TSHZ2: variants seen among roughly 807,000 people sequenced by gnomAD.
TSHZ2 encodes teashirt homolog 2.
In TSHZ2, 21 loss-of-function variants were observed where a neutral mutation model predicts 74.4. The ratio of observed to expected loss-of-function variants is 0.28; its 90% CI spans 0.20 to 0.41. The LOEUF (loss-of-function observed/expected upper bound fraction) is 0.41, where lower values mean the gene tolerates loss of function less well. Ranked by LOEUF, TSHZ2 falls within the 10% of genes least tolerant of loss-of-function variation. The pLI, the probability that TSHZ2 is intolerant of heterozygous loss-of-function variation, is 1.00. For missense variants in TSHZ2, 1,244 were observed against 1,293.5 expected, an observed-to-expected ratio of 0.96 and a Z score of 0.59; for synonymous variants, 540 against 515.3, an observed-to-expected ratio of 1.05 and a Z score of -0.65.
intron 1 of TSHZ2, among the ~76,000 whole-genome samples, chr20:53,156,327 A>G (rs916305297): frequency 1.3e-5 from 2 of 152,142 alleles, no homozygotes; most frequent in African/African-American, 4.8e-5. Flanking sequence ...ACACAAAATG[A>G]TGGTGTCTGC....
At chr20:53,265,057 G>A (rs1034842864) in intron 2 of TSHZ2, among the ~76,000 whole-genome samples, 25 of 152,138 alleles carry the variant, frequency 1.6e-4, no homozygotes, top group Non-Finnish European at 2.6e-4. Flanking sequence ...GATGTATCAG[G>A]GGTCAGGGGA....
At chr20:53,392,861 G>A (rs961687298) in intron 2 of TSHZ2, among the ~76,000 whole-genome samples, 2 of 152,060 alleles carry the variant, frequency 1.3e-5, no homozygotes, top group African/African-American at 2.4e-5. Flanking sequence ...TTGAGACAGA[G>A]TTTTGCTCTG....
At chr20:53,125,722 T>G (rs1986930696) in intron 1 of TSHZ2, among the ~76,000 whole-genome samples, 1 of 152,100 alleles carries the variant, frequency 6.6e-6, no homozygotes, top group South Asian at 2.1e-4. Context: ...TATACAGGAA[T>G]GCAGTTACCA....
At chr20:53,415,680 T>C (rs1461763125) in intron 2 of TSHZ2, among the ~76,000 whole-genome samples, 1 of 144,976 alleles carries the variant, frequency 6.9e-6, no homozygotes, top group Non-Finnish European at 1.5e-5. Context: ...GTGATGTATG[T>C]GTGTATATAC....
chr20:53,206,299 G>A (rs1989166620), intron 1 of TSHZ2, among the ~76,000 whole-genome samples: 1 of 152,184 alleles, frequency 6.6e-6, no homozygotes, highest in African/African-American at 2.4e-5. Flanking sequence ...ATTAAAAGAG[G>A]TTAGGGTCTA....
chr20:53,398,127 A>G (rs1046387253), intron 2 of TSHZ2: 2 of 152,210 alleles, frequency 1.3e-5, no homozygotes, highest in Non-Finnish European at 2.9e-5. Flanking sequence ...CTTAAAGTAT[A>G]ATAAAAAAAT....
At position 53,256,803 on chromosome 20, in the gene TSHZ2, G is replaced by T. The variant is rs1341837738; in HGVS notation, c.*8+232G>T. Among the ~76,000 whole-genome samples the T allele has an allele frequency of 6.6e-6, 1 of 152,202 alleles. No homozygotes were observed. The highest frequency in any genetic ancestry group is 1.5e-5 in the Non-Finnish European group (1 of 68,032). ...AATAAAACGGGTTTAGAGAGATAAA[G>T]TTCACAGATTACTACTGCTTTTTTT... On this transcript the variant is annotated intron_variant, in intron 2 of 2. Coordinates refer to ENST00000371497, the MANE Select transcript of TSHZ2 (RefSeq NM_173485.6). This position sits in a 1 kb window ranked among gnomAD's most constrained non-coding sequence, Gnocchi z 4.3.
chr20:53,482,395 G>T (rs754540515), intron 2 of TSHZ2, among the ~76,000 whole-genome samples: 6 of 152,228 alleles, frequency 3.9e-5, no homozygotes, highest in Non-Finnish European at 8.8e-5. Context: ...CACCACAACA[G>T]GATCCTTTCA....
chr20:53,004,396 A>G (rs1458919485), intron 1 of TSHZ2, among the ~76,000 whole-genome samples: 1 of 152,210 alleles, frequency 6.6e-6, no homozygotes, highest in Non-Finnish European at 1.5e-5. Flanking sequence ...CTGATGGCCA[A>G]GACGTAAGAT....
intron 2 of TSHZ2, among the ~76,000 whole-genome samples, chr20:53,363,988 GATA>G (rs768767822): frequency 6.6e-6 from 1 of 152,170 alleles, no homozygotes; most frequent in African/African-American, 2.4e-5. Context: ...GGGAGAGACT[GATA>G]ATAATAAAAA....
At chr20:53,238,319 A>G (rs1410902868) in intron 1 of TSHZ2, among the ~76,000 whole-genome samples, 3 of 152,276 alleles carry the variant, frequency 2.0e-5, no homozygotes, top group African/African-American at 7.2e-5. Flanking sequence ...TGTTGGGAGG[A>G]ACATAGTGTA....
At chr20:52,974,671 A>G in intron 1 of TSHZ2, among the ~76,000 whole-genome samples, 1 of 152,212 alleles carries the variant, frequency 6.6e-6, no homozygotes, top group Non-Finnish European at 1.5e-5. Flanking sequence ...TCACCCTTAG[A>G]ACAAATCCAA....
intron 2 of TSHZ2, among the ~76,000 whole-genome samples, chr20:53,418,367 C>T (rs1160814498): frequency 6.6e-6 from 1 of 152,108 alleles, no homozygotes; most frequent in African/African-American, 2.4e-5. Flanking sequence ...ATGTCATAGG[C>T]GTATTAGTCT....
chr20:53,447,424 G>T (rs142223683), intron 2 of TSHZ2, among the ~76,000 whole-genome samples: 3 of 152,078 alleles, frequency 2.0e-5, no homozygotes, highest in African/African-American at 7.2e-5. Context: ...GCAAAAAATC[G>T]CAGTTTATGC....
chr20:53,384,656 C>T (rs1981979658), intron 2 of TSHZ2, among the ~76,000 whole-genome samples: 1 of 152,074 alleles, frequency 6.6e-6, no homozygotes, highest in African/African-American at 2.4e-5. Flanking sequence ...TTCACAATCA[C>T]AATTAAAACT....
intron 2 of TSHZ2, among the ~76,000 whole-genome samples, chr20:53,282,721 T>C (rs1251676223): frequency 6.6e-6 from 1 of 152,234 alleles, no homozygotes; most frequent in Non-Finnish European, 1.5e-5. Context: ...CCTTTCAGAC[T>C]GGTGATTCGA....
chr20:53,338,524 A>T (rs1325981858), intron 2 of TSHZ2, among the ~76,000 whole-genome samples: 2 of 152,242 alleles, frequency 1.3e-5, no homozygotes, highest in African/African-American at 4.8e-5. Context: ...GAAATCGACA[A>T]GGTGACTTTG....
chr20:53,401,951 T>A lies in TSHZ2; in HGVS notation c.*9-85193T>A, dbSNP rs563654737. Reference sequence around the variant, plus strand: ...GCACCCGCCACCATGCCTGGCTAATTTTTTGTATTTTTTAGTACAGATGGG... The same window carrying A: ...GCACCCGCCACCATGCCTGGCTAATATTTTGTATTTTTTAGTACAGATGGG... On this transcript the variant is annotated intron_variant, in intron 2 of 2. Transcript: ENST00000371497. Among the ~76,000 whole-genome samples the A allele has an allele frequency of 2.0e-5, 3 of 151,868 alleles. No individual in the cohort carries two copies. The East Asian group carries it at 5.8e-4, about 29-fold the overall frequency.
intron 2 of TSHZ2, among the ~76,000 whole-genome samples, chr20:53,333,338 A>G (rs1425329722): frequency 6.6e-6 from 1 of 152,212 alleles, no homozygotes; most frequent in Admixed American, 6.5e-5. Flanking sequence ...AAACACAATT[A>G]GAGGCCTTTG....
Sources: allele counts gnomAD v4.1 joint callset (sites outside exome capture counted in the v4.1 genomes callset), GRCh38; gene constraint gnomAD v4.1.1; non-coding constraint Gnocchi (gnomAD v3.1); transcripts MANE v1.5; gene names NCBI Gene and HGNC (gene_info 2026-07-23, HGNC 2026-07-21).